FPGS: variants seen among roughly 807,000 people sequenced by gnomAD.
FPGS encodes folylpolyglutamate synthase, also known as folylpolyglutamate synthase, mitochondrial.
FPGS carries 53 observed loss-of-function variants against 66.5 expected under a neutral mutation model. The ratio of observed to expected loss-of-function variants is 0.80; its 90% CI spans 0.64 to 1.00. The LOEUF is 1.00. Among genes scored for constraint, FPGS ranks in the 50% least tolerant of loss-of-function variants. The pLI is 0.00. For synonymous variants in FPGS, 348 were observed against 350.9 expected, an observed-to-expected ratio of 0.99 and a Z score of 0.09; for missense variants, 702 against 807.7, an observed-to-expected ratio of 0.87 and a Z score of 1.59.
intron 4 of FPGS, among the ~76,000 whole-genome samples, chr9:127,806,080 C>G (rs922182262): frequency 2.6e-5 from 4 of 152,108 alleles, no homozygotes; most frequent in African/African-American, 9.7e-5. Flanking sequence ...TCTAAAATCA[C>G]TTTTTGGGCC....
At chr9:127,814,180 C>CAA, downstream of FPGS, 1 of 985,126 alleles carries the variant, frequency 1.0e-6, no homozygotes, top group Non-Finnish European at 1.2e-6. Context: ...TGGCCTGGAA[C>CAA]AAGTCCCTCC....
intron 14 of FPGS, among the ~76,000 whole-genome samples, chr9:127,812,711 G>A (rs968876288): frequency 6.6e-6 from 1 of 150,574 alleles, no homozygotes; most frequent in Non-Finnish European, 1.5e-5. Flanking sequence ...GTTTTTTTCA[G>A]AGACGGGGTT....
In FPGS at chr9:127,808,546, T is replaced by G; in HGVS notation, c.823-12T>G. 1 of 1,612,348 alleles carries G rather than the reference T, an allele frequency of 6.2e-7. No homozygotes were observed. Among genetic ancestry groups the G allele is most frequent in the Non-Finnish European group, 8.5e-7 (1 of 1,179,728 alleles). On this transcript the variant is annotated splice_polypyrimidine_tract_variant and intron_variant, in intron 9 of 14. Coordinates refer to ENST00000373247, the MANE Select transcript of FPGS (RefSeq NM_004957.6). ...GGGCCTCTGCTGACCCGCTCCTGCC[T>G]GTCTCCCCTAGTGTCCTCTATACCT...
chr9:127,812,602 A>G (rs1186293048), intron 14 of FPGS, among the ~76,000 whole-genome samples: 1 of 152,128 alleles, frequency 6.6e-6, no homozygotes, highest in Admixed American at 6.6e-5. Context: ...CCCGGGTTCA[A>G]GTGATACTCT....
chr9:127,809,872 C>G, intron 12 of FPGS, 38 bp downstream of exon 12: 4 of 1,239,106 alleles, frequency 3.2e-6, no homozygotes, highest in Non-Finnish European at 4.4e-6. Flanking sequence ...GGGGCTGGCC[C>G]ACGAGGAGGG....
intron 4 of FPGS, among the ~76,000 whole-genome samples, chr9:127,805,970 A>G (rs1346514732): frequency 6.6e-6 from 1 of 152,262 alleles, no homozygotes; most frequent in African/African-American, 2.4e-5. Flanking sequence ...TCAAGCCGAT[A>G]TGTTTTCCCT....
intron 14 of FPGS, among the ~76,000 whole-genome samples, chr9:127,812,778 C>T (rs972163506): frequency 3.9e-5 from 6 of 152,142 alleles, no homozygotes; most frequent in South Asian, 2.1e-4. Flanking sequence ...CCGCCCGCCT[C>T]GGCCTCCCAA....
chr9:127,805,903 C>T (rs561181744), intron 4 of FPGS, among the ~76,000 whole-genome samples: 27 of 152,306 alleles, frequency 1.8e-4, no homozygotes, highest in African/African-American at 6.0e-4. Context: ...TCCTGTGCCA[C>T]GCATGTCTTC....
rs761029201 is a variant in FPGS, at chr9:127,807,739, A to G, written c.744+51A>G. 21 of 1,199,870 alleles carry G rather than the reference A, an allele frequency of 1.8e-5. No individual in the cohort carries two copies. In the Admixed American group the frequency reaches 4.4e-4, roughly 25 times the overall value. 74.3% of individuals were successfully genotyped at this position (1,199,870 alleles called of 1,614,324 possible). ...AGAGACATGGAAGGCCTGGGAGTCT[A>G]CGTTTTCATCCTGGCTTCACTGTGT... On this transcript the variant is annotated intron_variant, in intron 8 of 14. Coordinates refer to ENST00000373247, the MANE Select transcript of FPGS (RefSeq NM_004957.6). This position sits in a 1 kb window ranked among gnomAD's most constrained non-coding sequence, Gnocchi z 5.8.
rs774654750 is a variant in FPGS at position 127,804,466 on chromosome 9, AG to A, written c.268-32del. The A allele has an allele frequency of 1.9e-6, 3 of 1,613,908 alleles. No homozygotes were observed. The South Asian group carries it at 3.3e-5, about 18-fold the overall frequency. ...TCCCACCCCCATTTGTGATTCCCGT[AG>A]CTGAGGCAGGGACCTTGTCTGTCTG... On this transcript the variant is annotated intron_variant, in intron 2 of 14. Coordinates refer to ENST00000373247, the MANE Select transcript of FPGS (RefSeq NM_004957.6).
chr9:127,809,347 T>TGGGCCCGCTGTGTGCC (rs1829962734), intron 11 of FPGS, among the ~76,000 whole-genome samples: 1 of 152,150 alleles, frequency 6.6e-6, no homozygotes, highest in South Asian at 2.1e-4. Context: ...CAGCAAATGG[T>TGGGCCCGCTGTGTGCC]GGGCCCGCTG....
chr9:127,810,718 CCT>C (rs1466501820), intron 13 of FPGS, among the ~76,000 whole-genome samples: 1 of 152,186 alleles, frequency 6.6e-6, no homozygotes, highest in Non-Finnish European at 1.5e-5. Flanking sequence ...CCACTGTTCC[CCT>C]GTCTGTACAG....
chr9:127,811,916 T>C (rs1209049021), intron 14 of FPGS, among the ~76,000 whole-genome samples: 5 of 152,092 alleles, frequency 3.3e-5, no homozygotes, highest in African/African-American at 4.8e-5. Context: ...GAGTACTGAG[T>C]TGCAGTGTAA....
chr9:127,809,961 C>A, intron 12 of FPGS, 70 bp from the exon 13 acceptor site: 1 of 537,736 alleles, frequency 1.9e-6, no homozygotes, highest in Non-Finnish European at 3.0e-6. Context: ...GGGTCGTGGG[C>A]GGGGACGGGA....
rs1201069294 is a variant in FPGS at position 127,807,229 on chromosome 9, G to GC, written c.528dup (p.Tyr177LeufsTer32). 1.2e-6 allele frequency: 2 copies of GC among 1,614,088 alleles called. No homozygotes were observed. The highest frequency in any genetic ancestry group is 1.7e-6 in the Non-Finnish European group (2 of 1,180,012). ...CACAGGATGGCAGCTGTGTCTCCATGCCCCCCTACTTCCGCTTCCTGACAC... is the reference window on the plus strand; with the variant it reads ...CACAGGATGGCAGCTGTGTCTCCATGCCCCCCCTACTTCCGCTTCCTGACAC... On this transcript the variant is annotated frameshift_variant, in exon 6 of 15. Transcript: ENST00000373247. LOFTEE classifies it high-confidence loss of function. This position sits in a 1 kb window ranked among gnomAD's most constrained non-coding sequence, Gnocchi z 5.8.
At position 127,813,190 on chromosome 9, in the gene FPGS, C is replaced by T. The variant is rs769110168; in HGVS notation, c.1355-5C>T. The T allele has an allele frequency of 2.6e-6, 4 of 1,567,422 alleles. No homozygotes were observed. In the Admixed American group the frequency reaches 7.1e-5, roughly 28 times the overall value. ...CGCTGATAGGCCTTTCTCTGTGCCCCACAGACCAACAGAACTTCACAGTGA... is the reference window on the plus strand; with the variant it reads ...CGCTGATAGGCCTTTCTCTGTGCCCTACAGACCAACAGAACTTCACAGTGA... On this transcript the variant is annotated splice_region_variant and splice_polypyrimidine_tract_variant and intron_variant, in intron 14 of 14. Transcript: ENST00000373247.
At chr9:127,808,747 G>T in intron 10 of FPGS, 42 bp downstream of exon 10, 1 of 1,560,948 alleles carries the variant, frequency 6.4e-7, no homozygotes, top group Non-Finnish European at 8.7e-7. Context: ...GGTGGCACCT[G>T]TGGAGCCTGC....
At position 127,808,722 on chromosome 9, in the gene FPGS, G is replaced by A. The variant is rs748473075; in HGVS notation, c.970+17G>A. 4 of 1,574,028 alleles carry A rather than the reference G, an allele frequency of 2.5e-6. No individual in the cohort carries two copies. The highest frequency in any genetic ancestry group is 2.3e-5 in the East Asian group (1 of 42,828). On this transcript the variant is annotated intron_variant, in intron 10 of 14. Transcript: ENST00000373247. ...ACCGCCATGGTGAGTGGGCAGCTGA[G>A]TGGGCAGGCAGGTGGGTGGCACCTG...
rs142234881 is a variant in FPGS at position 127,808,375 on chromosome 9, C to G, written c.822+64C>G. Reference sequence around the variant, plus strand: ...TGTGTCCCTCCTGTTTGAGGAGGCACTGCATCCTCTGGGGCCTCAGTTTGC... The same window carrying G: ...TGTGTCCCTCCTGTTTGAGGAGGCAGTGCATCCTCTGGGGCCTCAGTTTGC... On this transcript the variant is annotated intron_variant, in intron 9 of 14. Transcript: ENST00000373247. 11 of 1,490,064 alleles carry G rather than the reference C, an allele frequency of 7.4e-6. No homozygotes were observed. The African/African-American group carries it at 8.3e-5, about 11-fold the overall frequency. The allele number at this position is 1,490,064 out of a possible 1,614,324, so 92.3% of individuals were successfully genotyped here. A position where few individuals can be genotyped will look rare whatever the true frequency, so the allele number is the denominator to read the frequency against.
Sources: allele counts gnomAD v4.1 joint callset (sites outside exome capture counted in the v4.1 genomes callset), GRCh38; gene constraint gnomAD v4.1.1; non-coding constraint Gnocchi (gnomAD v3.1); transcripts MANE v1.5; gene names NCBI Gene and HGNC (gene_info 2026-07-23, HGNC 2026-07-21).